RAB37: variants seen among roughly 807,000 people sequenced by gnomAD.
RAB37 encodes ras-related protein Rab-37.
In RAB37, 29 loss-of-function variants were observed where a neutral mutation model predicts 33.1. That is an observed-to-expected ratio of 0.88 (90% CI 0.65 to 1.20). The LOEUF is 1.20. Ranked by LOEUF, RAB37 falls within the 50% of genes most tolerant of loss-of-function variation. RAB37 has a pLI of 0.00. For synonymous variants in RAB37, 128 were observed against 119.5 expected (o/e 1.07, Z -0.47); for missense variants, 299 against 301.1 (o/e 0.99, Z 0.05).
chr17:74,716,979 C>CA (rs955559223), intron 1 of RAB37, among the ~76,000 whole-genome samples: 3 of 152,038 alleles, frequency 2.0e-5, no homozygotes, highest in African/African-American at 7.2e-5. Context: ...ACTAAAAATA[C>CA]AAAAAATTAG....
At chr17:74,725,202 A>G (rs953414089) in intron 1 of RAB37, among the ~76,000 whole-genome samples, 2 of 140,128 alleles carry the variant, frequency 1.4e-5, no homozygotes, top group African/African-American at 5.4e-5. Flanking sequence ...CCAGCCCCCC[A>G]CCCACAAGCT....
intron 1 of RAB37, among the ~76,000 whole-genome samples, chr17:74,723,117 C>A (rs2034262834): frequency 6.6e-6 from 1 of 152,172 alleles, no homozygotes; most frequent in African/African-American, 2.4e-5. Flanking sequence ...TGCAATTGCC[C>A]ATTTTGTTAT....
Position 74,742,130 on chromosome 17 carries a change from TG to T in RAB37, c.205-122del. On this transcript the variant is annotated intron_variant, in intron 2 of 8. Coordinates refer to ENST00000392613, the MANE Select transcript of RAB37 (RefSeq NM_001006638.3). This position sits in a 1 kb window ranked among gnomAD's most constrained non-coding sequence, Gnocchi z 4.0. ...TGCTGCCCTGATGGTATGATCTGGC[TG>T]GAGACGGTTCTGGGGCTCACTGCAC... The T allele has an allele frequency of 8.5e-7, 1 of 1,179,366 alleles. No individual in the cohort carries two copies. Among genetic ancestry groups the T allele is most frequent in the Non-Finnish European group, 1.2e-6 (1 of 826,466 alleles). The allele number at this position is 1,179,366 out of a possible 1,614,324, so 73.1% of individuals were successfully genotyped here.
chr17:74,740,608 G>C (rs1021473959), intron 1 of RAB37, among the ~76,000 whole-genome samples, 160 bp from the exon 2 acceptor site: 1 of 152,192 alleles, frequency 6.6e-6, no homozygotes, highest in African/African-American at 2.4e-5. Context: ...AGGAGAGACA[G>C]GGTGAAGATG....
chr17:74,716,495 CTA>C (rs1372884987), intron 1 of RAB37, among the ~76,000 whole-genome samples: 2 of 152,214 alleles, frequency 1.3e-5, no homozygotes, highest in Admixed American at 1.3e-4. Context: ...ACCACTTGTG[CTA>C]TGTTTCATAT....
Position 74,704,647 on chromosome 17 carries a change from T to C in RAB37, c.73-24609T>C, listed in dbSNP as rs781637436. 16 of 1,614,194 alleles carry C rather than the reference T, an allele frequency of 9.9e-6. No homozygotes were observed. In the East Asian group the frequency reaches 1.1e-4, roughly 11 times the overall value. On this transcript the variant is annotated intron_variant, in intron 1 of 7. Coordinates refer to the RAB37 transcript ENST00000340415. ...CCCGGTCCCTCTTCACCTCCTGCTC[T>C]GACCCACTGGTTTTAACAAGGATCT...
intron 1 of RAB37, 83 bp downstream of exon 1, chr17:74,737,448 C>T (rs1358271840): frequency 2.9e-6 from 4 of 1,390,146 alleles, no homozygotes; most frequent in Non-Finnish European, 1.9e-6. Context: ...CTCAGCCCTT[C>T]CCCCAGGCAG....
chr17:74,696,860 G>A (rs367547627), intron 1 of RAB37, among the ~76,000 whole-genome samples: 3 of 152,262 alleles, frequency 2.0e-5, no homozygotes, highest in East Asian at 1.9e-4. Context: ...CCCCAACCCC[G>A]AGTAGAATGT....
chr17:74,712,892 C>T (rs1380217254), intron 1 of RAB37: 4 of 1,613,106 alleles, frequency 2.5e-6, no homozygotes, highest in South Asian at 2.2e-5. Flanking sequence ...GTCCCCGTTC[C>T]CCTCAGTGGA....
At chr17:74,719,885 C>G (rs2034216585) in intron 1 of RAB37, among the ~76,000 whole-genome samples, 1 of 152,164 alleles carries the variant, frequency 6.6e-6, no homozygotes, top group Non-Finnish European at 1.5e-5. Context: ...AGTCTTATCT[C>G]CATTTCCCAC....
chr17:74,718,827 T>G (rs1405410315), intron 1 of RAB37, among the ~76,000 whole-genome samples: 1 of 152,232 alleles, frequency 6.6e-6, no homozygotes, highest in African/African-American at 2.4e-5. Context: ...ATTACCAATC[T>G]TTTGTTCTTC....
In RAB37 at chr17:74,737,256, A is replaced by G; in HGVS notation, c.-17A>G. Reference sequence around the variant, plus strand: ...CTTCGCCTGCGGGCCGGCACTGCTCACCTCTCGTCCAGGGACATGACGGGC... The same window carrying G: ...CTTCGCCTGCGGGCCGGCACTGCTCGCCTCTCGTCCAGGGACATGACGGGC... On this transcript the variant is annotated 5_prime_UTR_variant, in exon 1 of 9. Coordinates refer to ENST00000392613, the MANE Select transcript of RAB37 (RefSeq NM_001006638.3). The G allele has an allele frequency of 6.4e-7, 1 of 1,552,684 alleles. No homozygotes were observed. The highest frequency in any genetic ancestry group is 8.7e-7 in the Non-Finnish European group (1 of 1,155,408).
chr17:74,706,571 G>A (rs1194561135), intron 1 of RAB37, among the ~76,000 whole-genome samples: 1 of 152,080 alleles, frequency 6.6e-6, no homozygotes, highest in Non-Finnish European at 1.5e-5. Flanking sequence ...GGGAGGCTGA[G>A]GCAAGAGAAT....
Position 74,671,668 on chromosome 17 carries a change from T to C in RAB37, c.72+10T>C, listed in dbSNP as rs1193347847. 1 of 1,613,096 alleles carries C rather than the reference T, an allele frequency of 6.2e-7. No individual in the cohort carries two copies. Among genetic ancestry groups the C allele is most frequent in the Admixed American group, 1.7e-5 (1 of 60,034 alleles). On this transcript the variant is annotated intron_variant, in intron 1 of 7. Coordinates refer to the RAB37 transcript ENST00000340415. This position sits in a 1 kb window ranked among gnomAD's most constrained non-coding sequence, Gnocchi z 5.0. ...CCACGTCCTGCATAAGGTAAACATC[T>C]CCTGTATTCCTCAACCTAACGTTGG...
intron 1 of RAB37, among the ~76,000 whole-genome samples, chr17:74,739,908 G>A (rs554561893): frequency 2.0e-5 from 3 of 152,184 alleles, no homozygotes; most frequent in South Asian, 2.1e-4. Flanking sequence ...CGTAATCCCA[G>A]CACTTTGGGA....
rs2034692712 is a variant in RAB37, at chr17:74,744,243, G to A, written c.367-65G>A. 7.5e-6 allele frequency: 11 copies of A among 1,472,498 alleles called. No individual in the cohort carries two copies. The highest frequency in any genetic ancestry group is 5.9e-5 in the South Asian group (5 of 84,510). 91.2% of individuals were successfully genotyped at this position (1,472,498 alleles called of 1,614,324 possible). ...AGTGAGTAACTGAGGATAGTCAAAC[G>A]GAGCAGAAGAAGAAAGGGGCAGCAG... On this transcript the variant is annotated intron_variant, in intron 5 of 8. Coordinates refer to ENST00000392613, the MANE Select transcript of RAB37 (RefSeq NM_001006638.3). This position sits in a 1 kb window ranked among gnomAD's most constrained non-coding sequence, Gnocchi z 4.2.
intron 1 of RAB37, among the ~76,000 whole-genome samples, chr17:74,715,739 G>A (rs1018188894): frequency 2.0e-5 from 3 of 152,122 alleles, no homozygotes; most frequent in African/African-American, 7.2e-5. Context: ...CAAGAACAGA[G>A]AATTCAGGCC....
intron 1 of RAB37, among the ~76,000 whole-genome samples, chr17:74,715,051 G>C (rs1288177431): frequency 6.6e-6 from 1 of 152,236 alleles, no homozygotes; most frequent in African/African-American, 2.4e-5. Context: ...GAACACAGGA[G>C]GTGGAGATTG....
At chr17:74,694,219 A>T (rs1392649011) in intron 1 of RAB37, 1 of 152,230 alleles carries the variant, frequency 6.6e-6, no homozygotes, top group African/African-American at 2.4e-5. Context: ...TGAGGATTAA[A>T]TTAGTTACTA....
Sources: allele counts gnomAD v4.1 joint callset (sites outside exome capture counted in the v4.1 genomes callset), GRCh38; gene constraint gnomAD v4.1.1; non-coding constraint Gnocchi (gnomAD v3.1); transcripts MANE v1.5; gene names NCBI Gene and HGNC (gene_info 2026-07-23, HGNC 2026-07-21).